The following MAN1A2 variants were observed in gnomAD, a reference collection of about 807,000 sequenced individuals.
MAN1A2 encodes mannosidase alpha class 1A member 2, also known as mannosyl-oligosaccharide 1,2-alpha-mannosidase IB.
A neutral mutation model predicts 75.7 loss-of-function variants in MAN1A2; 26 were observed. The ratio of observed to expected loss-of-function variants is 0.34; its 90% CI spans 0.25 to 0.48. The LOEUF is 0.48. Ranked by LOEUF, MAN1A2 falls within the 20% of genes least tolerant of loss-of-function variation. The pLI is 0.99. For missense variants in MAN1A2, 562 were observed against 775.5 expected (o/e 0.72, Z 3.27); for synonymous variants, 247 against 264.6 (o/e 0.93, Z 0.65).
chr1:117,448,032 T>C (rs891637247), intron 6 of MAN1A2, among the ~76,000 whole-genome samples: 4 of 152,204 alleles, frequency 2.6e-5, no homozygotes, highest in African/African-American at 4.8e-5. Flanking sequence ...TTTCGTGATA[T>C]TGATTCTTTC....
chr1:117,488,965 C>T (rs1650795916), intron 8 of MAN1A2, among the ~76,000 whole-genome samples: 1 of 151,990 alleles, frequency 6.6e-6, no homozygotes. Flanking sequence ...ATGTATACAC[C>T]AACATTCTTT....
chr1:117,395,584 AC>A (rs1262302493), intron 1 of MAN1A2, among the ~76,000 whole-genome samples: 1 of 152,244 alleles, frequency 6.6e-6, no homozygotes, highest in Non-Finnish European at 1.5e-5. Context: ...ACACAAAAAA[AC>A]AAAATAATAT....
rs923820169 is a variant in MAN1A2 at position 117,403,820 on chromosome 1, G to A, written c.558+1379G>A. On this transcript the variant is annotated intron_variant, in intron 2 of 12. Transcript: ENST00000356554. ...TAATACATTGTTCAAAGTAAGTGGCGAGAATGGACATACTAGGTTTGTTCC... is the reference window on the plus strand; with the variant it reads ...TAATACATTGTTCAAAGTAAGTGGCAAGAATGGACATACTAGGTTTGTTCC... Among the ~76,000 whole-genome samples, 14 of 152,096 alleles carry A rather than the reference G, an allele frequency of 9.2e-5. 1 individual carries two copies. The South Asian group carries it at 1.0e-3, about 11-fold the overall frequency.
chr1:117,481,452 C>CA (rs1208036502), intron 8 of MAN1A2, among the ~76,000 whole-genome samples: 4 of 151,764 alleles, frequency 2.6e-5, no homozygotes, highest in African/African-American at 9.7e-5. Flanking sequence ...TAGACTAGTC[C>CA]AAAAAAAGGA....
chr1:117,368,130 A>G lies in MAN1A2; in HGVS notation c.-54A>G. On this transcript the variant is annotated 5_prime_UTR_variant, in exon 1 of 13. Coordinates refer to ENST00000356554, the MANE Select transcript of MAN1A2 (RefSeq NM_006699.5). ...TTTTGAAGACAGTTCAATGTATTCT[A>G]CATTTGACATAAGATGAGAACTTTC... 5 of 1,481,272 alleles carry G rather than the reference A, an allele frequency of 3.4e-6. No individual in the cohort carries two copies. The highest frequency in any genetic ancestry group is 4.5e-6 in the Non-Finnish European group (5 of 1,101,900). The allele number at this position is 1,481,272 out of a possible 1,614,324, so 91.8% of individuals were successfully genotyped here.
At chr1:117,417,539 A>ATATATATAT (rs2101775347) in intron 4 of MAN1A2, among the ~76,000 whole-genome samples, 1 of 137,550 alleles carries the variant, frequency 7.3e-6, no homozygotes, top group African/African-American at 2.8e-5. Context: ...GTTTAAATAT[A>ATATATATAT]TATATATATA....
At position 117,522,834 on chromosome 1, in the gene MAN1A2, T is replaced by C. The variant is rs1374487677; in HGVS notation, c.1803T>C (p.Tyr601=). 1.1e-5 allele frequency: 17 copies of C among 1,610,550 alleles called. No homozygotes were observed. The highest frequency in any genetic ancestry group is 1.4e-5 in the Non-Finnish European group (17 of 1,178,012). The part of the protein sequence containing the change: ...FFLAETLKYL[Y]LLFSGDDLLP... ...CCCTTTTTATTTTCAGATATTTGTA[T>C]CTGCTGTTCTCCGGTGATGACCTTT... The change falls in exon 13 of 13, where the codon TAT becomes TAC. Residue 601 remains tyrosine (Y), a synonymous_variant. Coordinates refer to ENST00000356554, the MANE Select transcript of MAN1A2 (RefSeq NM_006699.5).
At chr1:117,389,583 A>G (rs1238049968) in intron 1 of MAN1A2, among the ~76,000 whole-genome samples, 1 of 152,192 alleles carries the variant, frequency 6.6e-6, no homozygotes, top group East Asian at 1.9e-4. Flanking sequence ...ACTGCATTAC[A>G]GGAAGGCCAG....
intron 1 of MAN1A2, among the ~76,000 whole-genome samples, chr1:117,384,221 G>T (rs558253556): frequency 6.6e-6 from 1 of 152,034 alleles, no homozygotes; most frequent in African/African-American, 2.4e-5. Flanking sequence ...AAAGATTATT[G>T]ATTTTAGATC....
At chr1:117,427,637 C>A (rs1648419648) in intron 5 of MAN1A2, among the ~76,000 whole-genome samples, 1 of 152,016 alleles carries the variant, frequency 6.6e-6, no homozygotes, top group South Asian at 2.1e-4. Context: ...CTAAGTAGAT[C>A]CTAAACATGA....
intron 8 of MAN1A2, among the ~76,000 whole-genome samples, chr1:117,471,903 G>A (rs1650173424): frequency 6.6e-6 from 1 of 151,766 alleles, no homozygotes; most frequent in Non-Finnish European, 1.5e-5. Flanking sequence ...AACTAATGAA[G>A]GAACAAGATT....
chr1:117,436,423 G>T (rs1040827227), intron 5 of MAN1A2, among the ~76,000 whole-genome samples: 1 of 152,128 alleles, frequency 6.6e-6, no homozygotes, highest in East Asian at 1.9e-4. Context: ...GATAAAACTG[G>T]TTCTACAAGT....
At chr1:117,522,748 G>A (rs1651900369) in intron 12 of MAN1A2, 77 bp from the exon 13 acceptor site, 2 of 1,280,934 alleles carry the variant, frequency 1.6e-6, no homozygotes, top group African/African-American at 1.5e-5. Flanking sequence ...TTGGTTTTCT[G>A]TGCCATTAAA....
At chr1:117,375,501 A>T (rs962858020) in intron 1 of MAN1A2, among the ~76,000 whole-genome samples, 3 of 152,134 alleles carry the variant, frequency 2.0e-5, no homozygotes, top group Non-Finnish European at 2.9e-5. Flanking sequence ...TTGACTTTTT[A>T]AAAAAATATT....
At position 117,368,023 on chromosome 1, in the gene MAN1A2, T is replaced by A; in HGVS notation, c.-161T>A. 1.6e-6 allele frequency: 1 copy of A among 643,050 alleles called. No individual in the cohort carries two copies. Among genetic ancestry groups the A allele is most frequent in the Non-Finnish European group, 2.7e-6 (1 of 375,278 alleles). The allele number at this position is 643,050 out of a possible 1,614,324, so 39.8% of individuals were successfully genotyped here. On this transcript the variant is annotated 5_prime_UTR_variant, in exon 1 of 13. The change abolishes an upstream ATG in the 5' untranslated region. Coordinates refer to ENST00000356554, the MANE Select transcript of MAN1A2 (RefSeq NM_006699.5). The stretch of plus-strand genomic sequence containing the variant: ...ACACACGTTTCTGAGTGGGAATGGA[T>A]GGGCGTGAATGACGTGCCCTCTTAA...
At chr1:117,401,827 T>A (rs1157422026) in intron 1 of MAN1A2, among the ~76,000 whole-genome samples, 1 of 152,124 alleles carries the variant, frequency 6.6e-6, no homozygotes, top group Admixed American at 6.5e-5. Context: ...TTCTTTGGCC[T>A]TATGTTTATA....
At chr1:117,440,711 GCTTT>G (rs1649002001) in intron 5 of MAN1A2, among the ~76,000 whole-genome samples, 2 of 152,078 alleles carry the variant, frequency 1.3e-5, no homozygotes, top group South Asian at 2.1e-4. Context: ...AATTGAGCAT[GCTTT>G]CTATTTAGAA....
At chr1:117,368,602 T>C (rs1026145716) in intron 1 of MAN1A2, 117 bp downstream of exon 1, 3 of 934,112 alleles carry the variant, frequency 3.2e-6, no homozygotes, top group Non-Finnish European at 4.8e-6. Flanking sequence ...GTCATAAATA[T>C]TGTATTGTTA....
intron 8 of MAN1A2, among the ~76,000 whole-genome samples, chr1:117,492,606 A>G (rs987752059): frequency 3.9e-5 from 6 of 152,054 alleles, no homozygotes; most frequent in Admixed American, 1.3e-4. Context: ...CAAGGGGAGC[A>G]AGTCAACAGC....
Sources: gnomAD v4.1 joint callset for allele counts (sites outside exome capture counted in the v4.1 genomes callset) on GRCh38, gnomAD v4.1.1 for gene constraint, MANE v1.5 for transcripts, NCBI Gene and HGNC (gene_info 2026-07-23, HGNC 2026-07-21) for gene names.